CENPP: variants seen among roughly 807,000 people sequenced by gnomAD.
CENPP encodes centromere protein P.
A neutral mutation model predicts 35.6 loss-of-function variants in CENPP; 24 were observed. The observed-to-expected ratio is 0.67, with a 90% CI of 0.49 to 0.95. CENPP has a LOEUF of 0.95. Ranked by LOEUF, CENPP falls within the 40% of genes least tolerant of loss-of-function variation. The pLI, the probability that CENPP is intolerant of heterozygous loss-of-function variation, is 0.00. For synonymous variants in CENPP, 120 were observed against 125.5 expected (o/e 0.96, Z 0.29); for missense variants, 332 against 345.3 (o/e 0.96, Z 0.31).
chr9:92,557,816 T>C (rs1270896166), intron 5 of CENPP, among the ~76,000 whole-genome samples: 1 of 152,124 alleles, frequency 6.6e-6, no homozygotes, highest in Non-Finnish European at 1.5e-5. Context: ...CTAATTTTTG[T>C]ATTTTTTTAG....
At chr9:92,490,889 G>A (rs541719010) in intron 5 of CENPP, among the ~76,000 whole-genome samples, 11 of 152,240 alleles carry the variant, frequency 7.2e-5, no homozygotes, top group African/African-American at 2.2e-4. Flanking sequence ...AAGTTTTTCT[G>A]TGAAAATCCT....
At chr9:92,403,299 TATCTGTTCCATAATC>T (rs1420220739) in intron 5 of CENPP, 1 of 1,612,358 alleles carries the variant, frequency 6.2e-7, no homozygotes, top group African/African-American at 1.3e-5. Flanking sequence ...TCTTCAAAAT[TATCTGTTCCATAATC>T]ATAGATAATG....
chr9:92,380,854 A>C (rs1842225656), intron 5 of CENPP, among the ~76,000 whole-genome samples: 1 of 152,228 alleles, frequency 6.6e-6, no homozygotes, highest in Admixed American at 6.5e-5. Flanking sequence ...GGGTGATGGA[A>C]AATGGGAGCA....
At chr9:92,552,020 ATAGATCTATCATATATGTGATATTATAGG>A (rs1849614413) in intron 5 of CENPP, among the ~76,000 whole-genome samples, 1 of 136,880 alleles carries the variant, frequency 7.3e-6, no homozygotes, top group African/African-American at 3.0e-5. Context: ...ATATGATATG[ATAGATCTATCATATATGTGATATTATAGG>A]TCTATCATAT....
intron 5 of CENPP, among the ~76,000 whole-genome samples, chr9:92,540,053 G>A (rs1015116988): frequency 6.6e-6 from 1 of 152,176 alleles, no homozygotes; most frequent in Non-Finnish European, 1.5e-5. Flanking sequence ...ATACATATAA[G>A]TGGCATAAAT....
At chr9:92,427,654 A>G (rs1241125170) in intron 5 of CENPP, among the ~76,000 whole-genome samples, 1 of 149,366 alleles carries the variant, frequency 6.7e-6, no homozygotes, top group African/African-American at 2.5e-5. Flanking sequence ...CTAATTTTGT[A>G]TTTTCAGTAG....
chr9:92,338,350 A>G (rs1840998064), intron 3 of CENPP, among the ~76,000 whole-genome samples: 1 of 151,942 alleles, frequency 6.6e-6, no homozygotes, highest in Non-Finnish European at 1.5e-5. Context: ...ATTATCCCTC[A>G]GTATCTGTGA....
chr9:92,344,744 T>TAAA, intron 3 of CENPP, among the ~76,000 whole-genome samples: 1 of 150,046 alleles, frequency 6.7e-6, no homozygotes, highest in South Asian at 2.1e-4. Flanking sequence ...AGACGGGGTT[T>TAAA]CACCGTGTTG....
intron 5 of CENPP, among the ~76,000 whole-genome samples, chr9:92,534,473 C>A (rs1043288952): frequency 2.6e-5 from 4 of 152,256 alleles, no homozygotes; most frequent in African/African-American, 4.8e-5. Context: ...CTTTCTTCAG[C>A]GTATATATAC....
intron 5 of CENPP, among the ~76,000 whole-genome samples, chr9:92,423,612 A>G (rs1487943914): frequency 6.6e-6 from 1 of 152,174 alleles, no homozygotes; most frequent in Non-Finnish European, 1.5e-5. Context: ...ATTTTTAGCC[A>G]TAATACATTT....
At chr9:92,418,390 A>T (rs1337474745) in intron 5 of CENPP, among the ~76,000 whole-genome samples, 2 of 145,748 alleles carry the variant, frequency 1.4e-5, no homozygotes, top group Non-Finnish European at 3.0e-5. Context: ...CCTGGCCGAG[A>T]TTTTTTTTTT....
At chr9:92,586,562 G>GATACATACTCA (rs1850546707) in intron 5 of CENPP, among the ~76,000 whole-genome samples, 1 of 152,160 alleles carries the variant, frequency 6.6e-6, no homozygotes, top group Non-Finnish European at 1.5e-5. Context: ...AGACCTAAGA[G>GATACATACTCA]GAGACTAGCT....
At chr9:92,415,247 C>T in intron 5 of CENPP, 1 of 1,613,770 alleles carries the variant, frequency 6.2e-7, no homozygotes, top group South Asian at 1.1e-5. Flanking sequence ...TCGTGATCTT[C>T]ACTTTCATCA....
At chr9:92,580,396 G>C (rs933950425) in intron 5 of CENPP, among the ~76,000 whole-genome samples, 18 of 152,030 alleles carry the variant, frequency 1.2e-4, no homozygotes, top group Admixed American at 5.2e-4. Context: ...CCTCCTTGTA[G>C]CTCTGGTAGA....
At chr9:92,483,942 T>C (rs939864688) in intron 5 of CENPP, among the ~76,000 whole-genome samples, 4 of 152,212 alleles carry the variant, frequency 2.6e-5, no homozygotes, top group African/African-American at 9.6e-5. Flanking sequence ...CTGTTTGGTT[T>C]AGAATGCTCA....
At chr9:92,552,195 A>G (rs1849630371) in intron 5 of CENPP, among the ~76,000 whole-genome samples, 1 of 143,204 alleles carries the variant, frequency 7.0e-6, no homozygotes, top group Non-Finnish European at 1.5e-5. Context: ...TCATATACAC[A>G]CACACACACA....
At chr9:92,544,337 G>A (rs1293691951) in intron 5 of CENPP, among the ~76,000 whole-genome samples, 1 of 152,182 alleles carries the variant, frequency 6.6e-6, no homozygotes, top group Non-Finnish European at 1.5e-5. Flanking sequence ...TTAGCCGGGT[G>A]TGCTGGCACA....
chr9:92,330,530 G>A (rs951979633), intron 1 of CENPP, among the ~76,000 whole-genome samples: 2 of 151,962 alleles, frequency 1.3e-5, no homozygotes, highest in African/African-American at 4.8e-5. Context: ...AGAATCCAAG[G>A]AAGAGATGTT....
chr9:92,368,359 C>T (rs1258103043), intron 4 of CENPP, among the ~76,000 whole-genome samples: 1 of 152,138 alleles, frequency 6.6e-6, no homozygotes, highest in Non-Finnish European at 1.5e-5. Context: ...AATTCAAAAT[C>T]TGAAACGCTT....
Sources: gnomAD v4.1 joint callset for allele counts (sites outside exome capture counted in the v4.1 genomes callset) on GRCh38, gnomAD v4.1.1 for gene constraint, MANE v1.5 for transcripts, NCBI Gene and HGNC (gene_info 2026-07-23, HGNC 2026-07-21) for gene names.